The following FRMPD3 variants were observed in gnomAD, a reference collection of about 807,000 sequenced individuals.
The protein encoded by FRMPD3 is FERM and PDZ domain-containing protein 3.
Under a neutral mutation model 97.9 loss-of-function variants are expected in FRMPD3, and 42 were observed. The observed-to-expected ratio is 0.43, with a 90% confidence interval of 0.34 to 0.55. The LOEUF is 0.55. Ranked by LOEUF, FRMPD3 falls within the 20% of genes least tolerant of loss-of-function variation. The pLI, the probability that FRMPD3 is intolerant of heterozygous loss-of-function variation, is 0.03. For synonymous variants in FRMPD3, 577 were observed against 581.1 expected (o/e 0.99, Z 0.10); for missense variants, 1,303 against 1,457.7 (o/e 0.89, Z 1.73).
chrX:107,495,497 A>G (rs1235903466), intron 1 of FRMPD3, among the ~76,000 whole-genome samples: 1 of 112,333 alleles, frequency 8.9e-6, no homozygotes, highest in Non-Finnish European at 1.9e-5. Context: ...CCTAATGTAT[A>G]GAACTGTTTG....
At chrX:107,564,797 T>G in intron 11 of FRMPD3, 90 bp from the exon 12 acceptor site, 1 of 955,260 alleles carries the variant, frequency 1.0e-6, no homozygotes, top group Non-Finnish European at 1.5e-6. Context: ...GAGAGTCCAA[T>G]GCATGTTTTC....
Position 107,600,957 on chromosome X carries a change from G to A in FRMPD3, c.2918G>A (p.Gly973Asp), listed in dbSNP as rs1332774661. The change falls in exon 15 of 15, where the codon GGT becomes GAT. Residue 973 changes from glycine (G) to aspartate (D), a missense_variant. This residue lies in a region of FRMPD3 where 764 missense variants were observed against 820.2 expected (regional missense o/e 0.93). Transcript: ENST00000683843. ...VVHNKSLVTAGGALGNPPSRG... is the reference protein window; with the variant it reads ...VVHNKSLVTADGALGNPPSRG... ...CACAATAAGAGTCTAGTCACTGCTGGTGGGGCTTTGGGGAACCCCCCCAGC... is the reference window on the plus strand; with the variant it reads ...CACAATAAGAGTCTAGTCACTGCTGATGGGGCTTTGGGGAACCCCCCCAGC... The A allele has an allele frequency of 8.3e-7, 1 of 1,208,907 alleles. No individual in the cohort carries two copies.
intron 1 of FRMPD3, among the ~76,000 whole-genome samples, chrX:107,524,291 G>A (rs745725824): frequency 3.5e-5 from 4 of 112,750 alleles, no homozygotes; most frequent in Non-Finnish European, 7.5e-5. Flanking sequence ...TCCTAGGAGT[G>A]TGCCTGTCCA....
At chrX:107,517,534 C>T (rs1411329909) in intron 1 of FRMPD3, among the ~76,000 whole-genome samples, 2 of 110,684 alleles carry the variant, frequency 1.8e-5, no homozygotes, top group African/African-American at 3.3e-5. Context: ...CCAAGGAGGG[C>T]GGATCACCTG....
chrX:107,579,959 C>T (rs773488309), intron 13 of FRMPD3, among the ~76,000 whole-genome samples: 1 of 111,838 alleles, frequency 8.9e-6, no homozygotes, highest in South Asian at 3.7e-4. Flanking sequence ...TAAAGTAAGA[C>T]TGAACGTAGT....
chrX:107,477,373 C>T (rs1039991085), intron 1 of FRMPD3, among the ~76,000 whole-genome samples: 1 of 111,507 alleles, frequency 9.0e-6, no homozygotes, highest in African/African-American at 3.3e-5. Context: ...GGAGAACCTA[C>T]TGCAGAGAGA....
intron 12 of FRMPD3, among the ~76,000 whole-genome samples, chrX:107,568,738 A>G (rs1922723636): frequency 9.1e-6 from 1 of 109,665 alleles, no homozygotes; most frequent in Non-Finnish European, 1.9e-5. Context: ...CGTCTCAAAA[A>G]AATAGAAAAA....
At chrX:107,474,831 C>T (rs970647807) in intron 1 of FRMPD3, among the ~76,000 whole-genome samples, 11 of 111,059 alleles carry the variant, frequency 9.9e-5, no homozygotes, top group Admixed American at 9.5e-5. Context: ...AGAAAGTACA[C>T]GGGGGGGAAA....
intron 1 of FRMPD3, chrX:107,513,394 C>T (rs1292419374): frequency 9.0e-6 from 1 of 111,555 alleles, no homozygotes; most frequent in African/African-American, 3.3e-5. Context: ...CAGAGACTCT[C>T]AGAGTGGGAA....
chrX:107,528,156 A>G (rs1297750035), intron 2 of FRMPD3, among the ~76,000 whole-genome samples: 1 of 111,690 alleles, frequency 9.0e-6, no homozygotes, highest in Non-Finnish European at 1.9e-5. Context: ...TGGGGCTGGC[A>G]TGCATAGCCC....
At chrX:107,462,181 A>G (rs762129875) in intron 1 of FRMPD3, among the ~76,000 whole-genome samples, 1 of 112,031 alleles carries the variant, frequency 8.9e-6, no homozygotes, top group African/African-American at 3.2e-5. Context: ...ATAGAGGAAA[A>G]AAAAGCACCC....
chrX:107,535,079 A>T (rs891207221), intron 4 of FRMPD3, among the ~76,000 whole-genome samples: 1 of 111,521 alleles, frequency 9.0e-6, no homozygotes. Flanking sequence ...TCCCACTAAA[A>T]CATGCTTGAT....
chrX:107,572,711 G>T (rs896683777), intron 12 of FRMPD3, among the ~76,000 whole-genome samples: 1 of 109,434 alleles, frequency 9.1e-6, no homozygotes, highest in African/African-American at 3.3e-5. Flanking sequence ...GCACTCTAGC[G>T]TGGGCATCAG....
intron 1 of FRMPD3, among the ~76,000 whole-genome samples, chrX:107,498,485 G>A (rs1177925201): frequency 1.8e-5 from 2 of 111,813 alleles, no homozygotes; most frequent in Non-Finnish European, 3.8e-5. Context: ...CTAATTTAGG[G>A]GGCAGACTGT....
At chrX:107,579,010 C>T (rs762339456) in intron 13 of FRMPD3, among the ~76,000 whole-genome samples, 3 of 111,894 alleles carry the variant, frequency 2.7e-5, no homozygotes, top group Admixed American at 1.9e-4. Context: ...GACCAAGGTC[C>T]GAAGTTGAGA....
At chrX:107,519,799 G>A (rs1485300931) in intron 1 of FRMPD3, among the ~76,000 whole-genome samples, 3 of 111,626 alleles carry the variant, frequency 2.7e-5, no homozygotes, top group Non-Finnish European at 5.6e-5. Flanking sequence ...GCAGGTCCCG[G>A]AGGACTTGAA....
chrX:107,604,314 G>A lies in FRMPD3; in HGVS notation c.*941G>A, dbSNP rs866913919. On this transcript the variant is annotated 3_prime_UTR_variant, in exon 15 of 15. Coordinates refer to ENST00000683843, the MANE Select transcript of FRMPD3 (RefSeq NM_001388459.1). ...GGGGAGGGGGGAAAGGGGTAGGGGT[G>A]GGGGGTGTTGATGACTATATCTTAA... 1.2e-4 allele frequency: 12 copies of A among 96,676 alleles called. No individual in the cohort carries two copies. Among genetic ancestry groups the A allele is most frequent in the African/African-American group, 4.2e-4 (11 of 26,269 alleles). The allele number at this position is 96,676 out of a possible 1,213,427, so 8.0% of individuals were successfully genotyped here. A position where few individuals can be genotyped will look rare whatever the true frequency, so the allele number is the denominator to read the frequency against.
At chrX:107,599,460 T>A (rs1466168695) in intron 14 of FRMPD3, among the ~76,000 whole-genome samples, 1 of 110,262 alleles carries the variant, frequency 9.1e-6, no homozygotes, top group East Asian at 2.9e-4. Flanking sequence ...TTGCTTAGAG[T>A]CTGGAGAGAG....
Position 107,583,597 on chromosome X carries a change from TATACCCAGTAA to T in FRMPD3, c.1441+7139_1441+7149del, listed in dbSNP as rs1346862239. 5.4e-5 allele frequency among the ~76,000 whole-genome samples: 6 copies of T among 112,048 alleles called. No homozygotes were observed. In the East Asian group the frequency reaches 1.7e-3, roughly 31 times the overall value. ...AGAATGATTTATATTCCTTTGGGTATATACCCAGTAATGGGATTGCTGAGTCAAATGGTATT... is the reference window on the plus strand; with the variant it reads ...AGAATGATTTATATTCCTTTGGGTATTGGGATTGCTGAGTCAAATGGTATT... On this transcript the variant is annotated intron_variant, in intron 13 of 14. Transcript: ENST00000683843.
Sources: gnomAD v4.1 joint callset for allele counts (sites outside exome capture counted in the v4.1 genomes callset) on GRCh38, gnomAD v4.1.1 for gene constraint, gnomAD v4.1.1 regional missense constraint, MANE v1.5 for transcripts, NCBI Gene and HGNC (gene_info 2026-07-23, HGNC 2026-07-21) for gene names.